KLF17: variants seen among roughly 807,000 people sequenced by gnomAD.
KLF17 encodes KLF transcription factor 17.
Under a neutral mutation model 34.2 loss-of-function variants are expected in KLF17, and 31 were observed. That is an observed-to-expected ratio of 0.91 (90% CI 0.68 to 1.22). The LOEUF (loss-of-function observed/expected upper bound fraction) is 1.22. KLF17 is among the 50% of genes most tolerant of loss of function. KLF17 has a pLI of 0.00. For missense variants in KLF17, 478 were observed against 505.2 expected, an observed-to-expected ratio of 0.95 and a Z score of 0.52; for synonymous variants, 179 against 186.7, an observed-to-expected ratio of 0.96 and a Z score of 0.34.
the KLF17 span, among the ~76,000 whole-genome samples, chr1:44,084,813 C>G: frequency 6.6e-6 from 1 of 151,156 alleles, no homozygotes; most frequent in Admixed American, 6.6e-5. Context: ...GTGGCTCATG[C>G]CTGTAATCTC....
chr1:44,088,851 G>A, the KLF17 span, among the ~76,000 whole-genome samples: 3 of 152,264 alleles, frequency 2.0e-5, no homozygotes, highest in South Asian at 6.2e-4. Context: ...GCTGATTGGA[G>A]AATGGGGTGT....
At chr1:44,124,978 T>G (rs2087991458) in intron 1 of KLF17, among the ~76,000 whole-genome samples, 1 of 152,250 alleles carries the variant, frequency 6.6e-6, no homozygotes, top group Admixed American at 6.5e-5. Flanking sequence ...AATTACATTT[T>G]TATGCATCGT....
At chr1:44,052,133 C>A in the KLF17 span, 3 of 152,226 alleles carry the variant, frequency 2.0e-5, no homozygotes, top group Non-Finnish European at 4.4e-5. Context: ...CAGCAGGCTT[C>A]CTGAGCCTTA....
chr1:44,058,411 C>G, the KLF17 span, among the ~76,000 whole-genome samples: 1 of 152,106 alleles, frequency 6.6e-6, no homozygotes, highest in African/African-American at 2.4e-5. Context: ...CTGCCTCAGG[C>G]TCCCGAGTAG....
chr1:44,072,525 AAAATAAATAAAT>A, the KLF17 span, among the ~76,000 whole-genome samples: 1 of 150,658 alleles, frequency 6.6e-6, no homozygotes, highest in African/African-American at 2.5e-5. Context: ...TGTCTCTACA[AAAATAAATAAAT>A]AAATAAATAA....
At chr1:44,086,192 C>T in the KLF17 span, among the ~76,000 whole-genome samples, 7 of 152,238 alleles carry the variant, frequency 4.6e-5, no homozygotes, top group South Asian at 2.1e-4. Context: ...GACGGTGGGG[C>T]GTGGTGGCTC....
intron 1 of KLF17, 133 bp downstream of exon 1, chr1:44,119,121 G>C (rs914632260): frequency 5.2e-6 from 2 of 386,986 alleles, no homozygotes; most frequent in African/African-American, 4.4e-5. Context: ...GGGAGGGGTG[G>C]CAAAGGAAGG....
In KLF17 at chr1:44,130,494, C is replaced by G; in HGVS notation, c.926-18C>G. ...TCCTACTGTATTCTAAATTCCATCT[C>G]TCCCTTGTCATTCCCAGGTGAGAGG... On this transcript the variant is annotated intron_variant, in intron 2 of 3. Coordinates refer to ENST00000372299, the MANE Select transcript of KLF17 (RefSeq NM_173484.4). 1 of 1,613,996 alleles carries G rather than the reference C, an allele frequency of 6.2e-7. No homozygotes were observed. Among genetic ancestry groups the G allele is most frequent in the South Asian group, 1.1e-5 (1 of 91,050 alleles).
At chr1:44,050,469 C>T in the KLF17 span, among the ~76,000 whole-genome samples, 1 of 152,174 alleles carries the variant, frequency 6.6e-6, no homozygotes, top group South Asian at 2.1e-4. Context: ...GAAATTTTTG[C>T]ATAATCCACC....
chr1:44,079,126 T>C, the KLF17 span, among the ~76,000 whole-genome samples: 2 of 152,118 alleles, frequency 1.3e-5, no homozygotes, highest in Non-Finnish European at 2.9e-5. Context: ...GATCTCATAT[T>C]TTCTTCTTTA....
the KLF17 span, among the ~76,000 whole-genome samples, chr1:44,091,087 A>T: frequency 6.6e-6 from 1 of 152,182 alleles, no homozygotes; most frequent in African/African-American, 2.4e-5. Flanking sequence ...ATCTATCAAC[A>T]TTTACTATAT....
the KLF17 span, among the ~76,000 whole-genome samples, chr1:44,102,323 G>A: frequency 6.6e-6 from 1 of 151,866 alleles, no homozygotes; most frequent in African/African-American, 2.4e-5. Context: ...CACTTAAGGC[G>A]GACAGATCAC....
At chr1:44,044,950 G>T in the KLF17 span, 3 of 152,244 alleles carry the variant, frequency 2.0e-5, no homozygotes, top group East Asian at 3.9e-4. Context: ...GGCCACTTCA[G>T]TCTGATGTCA....
chr1:44,105,419 A>C, the KLF17 span: 1 of 152,024 alleles, frequency 6.6e-6, no homozygotes, highest in African/African-American at 2.4e-5. Flanking sequence ...TCATGATGCC[A>C]GTCTCCTGGT....
chr1:44,133,283 G>C lies in KLF17; in HGVS notation c.*46G>C, dbSNP rs1172500272. 2.1e-4 allele frequency: 32 copies of C among 152,274 alleles called. No individual in the cohort carries two copies. Among genetic ancestry groups the C allele is most frequent in the Admixed American group, 2.1e-3 (32 of 15,284 alleles). The allele number at this position is 152,274 out of a possible 1,614,324, so 9.4% of individuals were successfully genotyped here. On this transcript the variant is annotated 3_prime_UTR_variant, in exon 4 of 4. Coordinates refer to ENST00000372299, the MANE Select transcript of KLF17 (RefSeq NM_173484.4). ...ATTCCAGGCTGAGAGCACTGGACGT[G>C]GCAACTGTTCAGAGGAGAGGCAGTC...
the KLF17 span, among the ~76,000 whole-genome samples, chr1:44,071,370 G>A: frequency 6.6e-6 from 1 of 152,130 alleles, no homozygotes; most frequent in Non-Finnish European, 1.5e-5. Flanking sequence ...TATCTTCCCA[G>A]CTCACCCTTG....
the KLF17 span, among the ~76,000 whole-genome samples, chr1:44,078,434 CTTCTTTTTTTT>C: frequency 9.8e-5 from 12 of 122,034 alleles, no homozygotes; most frequent in Non-Finnish European, 1.9e-4. Flanking sequence ...GCTTTTCCTT[CTTCTTTTTTTT>C]TTTTTTTTGA....
chr1:44,083,217 G>A, the KLF17 span, among the ~76,000 whole-genome samples: 8 of 151,504 alleles, frequency 5.3e-5, no homozygotes, highest in Admixed American at 3.3e-4. Context: ...CAAAGTGCTA[G>A]GATTATAGGC....
chr1:44,077,218 G>A, the KLF17 span, among the ~76,000 whole-genome samples: 8 of 151,812 alleles, frequency 5.3e-5, no homozygotes, highest in East Asian at 1.2e-3. Context: ...GGTGGTGTGC[G>A]CCTGTAATCC....
Sources: gnomAD v4.1 joint callset for allele counts (sites outside exome capture counted in the v4.1 genomes callset) on GRCh38, gnomAD v4.1.1 for gene constraint, MANE v1.5 for transcripts, NCBI Gene and HGNC (gene_info 2026-07-23, HGNC 2026-07-21) for gene names.